The following CENPP variants were observed in gnomAD, a reference collection of about 807,000 sequenced individuals.
CENPP encodes the protein centromere protein P.
A neutral mutation model predicts 35.6 loss-of-function variants in CENPP; 24 were observed. That is an observed-to-expected ratio of 0.67 (90% confidence interval 0.49 to 0.95). CENPP has a LOEUF of 0.95. Among genes scored for constraint, CENPP ranks in the 40% least tolerant of loss-of-function variants. CENPP has a pLI of 0.00. For synonymous variants in CENPP, 120 were observed against 125.5 expected, an observed-to-expected ratio of 0.96 and a Z score of 0.29; for missense variants, 332 against 345.3, an observed-to-expected ratio of 0.96 and a Z score of 0.31.
intron 5 of CENPP, among the ~76,000 whole-genome samples, chr9:92,464,036 C>T (rs973715114): frequency 2.6e-5 from 4 of 152,062 alleles, no homozygotes; most frequent in African/African-American, 9.7e-5. Context: ...GAAGTTGCTG[C>T]TTTAACTCAT....
chr9:92,515,561 T>TG (rs1847650016), intron 5 of CENPP, among the ~76,000 whole-genome samples: 1 of 152,232 alleles, frequency 6.6e-6, no homozygotes, highest in African/African-American at 2.4e-5. Context: ...TATAATCAGT[T>TG]GTGATACCTT....
At chr9:92,551,952 TGA>T (rs1849605977) in intron 5 of CENPP, among the ~76,000 whole-genome samples, 2 of 113,858 alleles carry the variant, frequency 1.8e-5, no homozygotes, top group African/African-American at 8.1e-5. Flanking sequence ...TATATATATA[TGA>T]TATATATATG....
chr9:92,341,300 C>A (rs1841110729), intron 3 of CENPP, among the ~76,000 whole-genome samples: 1 of 152,158 alleles, frequency 6.6e-6, no homozygotes, highest in Non-Finnish European at 1.5e-5. Flanking sequence ...CTTGCCCTGC[C>A]TCCACTTGCC....
intron 5 of CENPP, among the ~76,000 whole-genome samples, chr9:92,468,156 T>G (rs1400848929): frequency 1.3e-5 from 2 of 152,218 alleles, no homozygotes; most frequent in Non-Finnish European, 2.9e-5. Context: ...GATCCAAGTC[T>G]AGTGCACTGG....
intron 5 of CENPP, chr9:92,416,646 G>C: frequency 1.3e-6 from 2 of 1,593,882 alleles, no homozygotes; most frequent in Non-Finnish European, 1.7e-6. Flanking sequence ...TGTAGGTATA[G>C]GTGTTCCAAA....
chr9:92,533,776 G>A (rs78881488), intron 5 of CENPP, among the ~76,000 whole-genome samples: 17,730 of 151,986 alleles, frequency 0.12, 1,123 homozygotes, highest in Middle Eastern at 0.15. Flanking sequence ...ACAGAATTAC[G>A]GTTTCAAAAT....
intron 5 of CENPP, chr9:92,494,159 G>T (rs751776354): frequency 1.3e-6 from 2 of 1,596,644 alleles, no homozygotes; most frequent in South Asian, 2.2e-5. Flanking sequence ...GCTGAATAAA[G>T]TCAGAGTAAG....
At chr9:92,495,794 C>A (rs150099514) in intron 5 of CENPP, 2 of 949,960 alleles carry the variant, frequency 2.1e-6, no homozygotes, top group East Asian at 2.3e-4. Flanking sequence ...ATGAAAGCTA[C>A]CCCAATATTC....
chr9:92,596,281 A>G (rs1850777220), intron 5 of CENPP, among the ~76,000 whole-genome samples: 1 of 151,956 alleles, frequency 6.6e-6, no homozygotes, highest in African/African-American at 2.4e-5. Flanking sequence ...CTACAGGCAC[A>G]CACCACCATG....
At chr9:92,481,731 T>A (rs958610730) in intron 5 of CENPP, among the ~76,000 whole-genome samples, 8 of 152,190 alleles carry the variant, frequency 5.3e-5, no homozygotes, top group Non-Finnish European at 1.2e-4. Flanking sequence ...TGGAATTGAA[T>A]AGATTTCCAT....
At chr9:92,565,074 G>A (rs1448603619) in intron 5 of CENPP, among the ~76,000 whole-genome samples, 1 of 151,894 alleles carries the variant, frequency 6.6e-6, no homozygotes, top group East Asian at 1.9e-4. Flanking sequence ...CTGGGGAGAT[G>A]GCAGAGTAGG....
At chr9:92,583,719 A>C (rs1004854660) in intron 5 of CENPP, among the ~76,000 whole-genome samples, 10 of 152,130 alleles carry the variant, frequency 6.6e-5, no homozygotes, top group Non-Finnish European at 1.2e-4. Flanking sequence ...TTTGCTTTCA[A>C]AATTTTCAAG....
intron 5 of CENPP, among the ~76,000 whole-genome samples, chr9:92,488,044 A>C (rs1350162229): frequency 3.3e-5 from 5 of 152,214 alleles, no homozygotes; most frequent in Non-Finnish European, 7.3e-5. Flanking sequence ...GAGCACATGT[A>C]TCTAGCTTAG....
chr9:92,562,986 AG>A (rs1300962492), intron 5 of CENPP, among the ~76,000 whole-genome samples: 1 of 152,160 alleles, frequency 6.6e-6, no homozygotes, highest in East Asian at 1.9e-4. Flanking sequence ...TTTAGTGTCC[AG>A]GGGGATGAAA....
intron 5 of CENPP, among the ~76,000 whole-genome samples, chr9:92,526,341 C>G (rs1848410313): frequency 6.6e-6 from 1 of 151,874 alleles, no homozygotes; most frequent in African/African-American, 2.4e-5. Flanking sequence ...TGTTTTAAGC[C>G]AAGTGTTATT....
chr9:92,468,222 A>C (rs1358469480), intron 5 of CENPP, among the ~76,000 whole-genome samples: 1 of 152,208 alleles, frequency 6.6e-6, no homozygotes, highest in East Asian at 1.9e-4. Flanking sequence ...AACTGCATAA[A>C]AGGAAGGAAA....
chr9:92,574,716 A>T (rs906081411), intron 5 of CENPP, among the ~76,000 whole-genome samples: 1 of 152,282 alleles, frequency 6.6e-6, no homozygotes, highest in Middle Eastern at 3.4e-3. Context: ...AAATAGAAAA[A>T]CTCATTCTAG....
intron 5 of CENPP, among the ~76,000 whole-genome samples, chr9:92,559,578 A>G (rs997845123): frequency 1.8e-4 from 27 of 152,056 alleles, no homozygotes; most frequent in African/African-American, 6.3e-4. Flanking sequence ...AGAATTCACA[A>G]TGCAGGCCTC....
intron 5 of CENPP, among the ~76,000 whole-genome samples, chr9:92,485,258 A>G (rs992072967): frequency 6.6e-6 from 1 of 152,214 alleles, no homozygotes; most frequent in Non-Finnish European, 1.5e-5. Flanking sequence ...AAGGGGTCCT[A>G]TGGAGGGGAC....
Sources: allele counts gnomAD v4.1 joint callset (sites outside exome capture counted in the v4.1 genomes callset), GRCh38; gene constraint gnomAD v4.1.1; transcripts MANE v1.5; gene names NCBI Gene and HGNC (gene_info 2026-07-23, HGNC 2026-07-21).